Variants in PLPPR1 observed in about 807,000 individuals in gnomAD.
The protein encoded by PLPPR1 is phospholipid phosphatase-related protein type 1.
In PLPPR1, 10 loss-of-function variants were observed where a neutral mutation model predicts 33.1. That is an observed-to-expected ratio of 0.30 (90% CI 0.19 to 0.51). The LOEUF is 0.51. PLPPR1 is among the 20% of genes least tolerant of loss of function. The pLI, the probability that PLPPR1 is intolerant of heterozygous loss-of-function variation, is 0.97. For synonymous variants in PLPPR1, 151 were observed against 151.0 expected, an observed-to-expected ratio of 1.00 and a Z score of 0.00; for missense variants, 304 against 408.1, an observed-to-expected ratio of 0.74 and a Z score of 2.20.
chr9:101,203,735 A>ATATCTATCTATATATATAGATATGTTATC (rs1332419099), intron 2 of PLPPR1, among the ~76,000 whole-genome samples: 79 of 151,636 alleles, frequency 5.2e-4, no homozygotes, highest in Middle Eastern at 3.5e-3. Flanking sequence ...GATATGTTAT[A>ATATCTATCTATATATATAGATATGTTATC]TATCTATCTA....
At chr9:101,153,527 G>A (rs558491327) in intron 1 of PLPPR1, among the ~76,000 whole-genome samples, 1 of 152,220 alleles carries the variant, frequency 6.6e-6, no homozygotes, top group Non-Finnish European at 1.5e-5. Flanking sequence ...TTGGCTGTGG[G>A]TTTGTCATAA....
chr9:101,192,639 C>T (rs529032610), intron 2 of PLPPR1, among the ~76,000 whole-genome samples: 2 of 151,956 alleles, frequency 1.3e-5, no homozygotes, highest in African/African-American at 4.8e-5. Flanking sequence ...CAATATAAAA[C>T]AACAAATTTG....
chr9:101,198,810 G>A (rs1385243595), intron 2 of PLPPR1, among the ~76,000 whole-genome samples: 2 of 152,234 alleles, frequency 1.3e-5, no homozygotes, highest in Non-Finnish European at 2.9e-5. Flanking sequence ...CTGAGAATTT[G>A]AAGAGCTAAA....
intron 1 of PLPPR1, among the ~76,000 whole-genome samples, chr9:101,171,570 G>A (rs547449119): frequency 6.6e-6 from 1 of 152,162 alleles, no homozygotes; most frequent in Non-Finnish European, 1.5e-5. Flanking sequence ...TTGTGTCTGG[G>A]TCTTCACATT....
chr9:101,273,124 T>C (rs1489409950), intron 3 of PLPPR1, among the ~76,000 whole-genome samples: 4 of 152,228 alleles, frequency 2.6e-5, no homozygotes, highest in African/African-American at 4.8e-5. Context: ...AAAAATTGTA[T>C]GCAGTATTGT....
intron 1 of PLPPR1, among the ~76,000 whole-genome samples, chr9:101,040,483 G>A (rs1830063681): frequency 6.6e-6 from 1 of 152,122 alleles, no homozygotes; most frequent in African/African-American, 2.4e-5. Flanking sequence ...ATCTGATTGG[G>A]TGTGAGCTGT....
In PLPPR1 at chr9:101,110,505, C is replaced by T. The variant is rs374278786; in HGVS notation, c.-45-74945C>T. 2.0e-5 allele frequency among the ~76,000 whole-genome samples: 3 copies of T among 152,202 alleles called. No individual in the cohort carries two copies. The East Asian group carries it at 5.8e-4, about 29-fold the overall frequency. On this transcript the variant is annotated intron_variant, in intron 1 of 7. Coordinates refer to ENST00000374874, the MANE Select transcript of PLPPR1 (RefSeq NM_207299.2). ...AAATACACGTAGAAGAATGTTATAT[C>T]ATTGTTTTTAATAGCAAAAATTGAA...
intron 2 of PLPPR1, among the ~76,000 whole-genome samples, chr9:101,221,138 G>A (rs1353278049): frequency 6.6e-6 from 1 of 152,060 alleles, no homozygotes; most frequent in Non-Finnish European, 1.5e-5. Context: ...GCAGTATTAG[G>A]TTACATAAGT....
intron 2 of PLPPR1, among the ~76,000 whole-genome samples, chr9:101,189,942 G>A (rs1431345545): frequency 6.6e-6 from 1 of 152,030 alleles, no homozygotes; most frequent in Non-Finnish European, 1.5e-5. Flanking sequence ...GCTCATGGTG[G>A]ACTGTTTCCT....
At chr9:101,160,895 A>G (rs1425771018) in intron 1 of PLPPR1, among the ~76,000 whole-genome samples, 3 of 152,188 alleles carry the variant, frequency 2.0e-5, no homozygotes, top group African/African-American at 4.8e-5. Flanking sequence ...TAGTGTGACA[A>G]GTTGTCTATA....
intron 4 of PLPPR1, among the ~76,000 whole-genome samples, chr9:101,300,140 T>C (rs1828724918): frequency 6.6e-6 from 1 of 152,182 alleles, no homozygotes; most frequent in Non-Finnish European, 1.5e-5. Context: ...TCTATAATAA[T>C]TTTTAAAAAG....
intron 2 of PLPPR1, among the ~76,000 whole-genome samples, chr9:101,255,178 G>A (rs974401022): frequency 6.6e-6 from 1 of 152,136 alleles, no homozygotes; most frequent in Non-Finnish European, 1.5e-5. Flanking sequence ...GCTGGTAAAT[G>A]TTTAACTCCT....
At chr9:101,315,028 A>C (rs1463159243) in intron 6 of PLPPR1, among the ~76,000 whole-genome samples, 2 of 152,110 alleles carry the variant, frequency 1.3e-5, no homozygotes, top group Non-Finnish European at 2.9e-5. Flanking sequence ...TTTTGATACA[A>C]GCATACAATG....
intron 2 of PLPPR1, among the ~76,000 whole-genome samples, chr9:101,207,614 T>C (rs567794727): frequency 6.6e-6 from 1 of 152,244 alleles, no homozygotes; most frequent in Non-Finnish European, 1.5e-5. Flanking sequence ...TACGAGGCTG[T>C]ATGATACTGG....
intron 4 of PLPPR1, among the ~76,000 whole-genome samples, chr9:101,302,331 A>G (rs914884334): frequency 6.6e-6 from 1 of 152,228 alleles, no homozygotes; most frequent in Admixed American, 6.5e-5. Context: ...GTACACCTTT[A>G]TAAGGAAATG....
In PLPPR1 at chr9:101,137,550, T is replaced by C. The variant is rs184533321; in HGVS notation, c.-45-47900T>C. On this transcript the variant is annotated intron_variant, in intron 1 of 7. Transcript: ENST00000374874. ...GTGGTCCTGTGTTGGGGTGTACAGC[T>C]TCGTGAGCAGAGAGTAGGCTGCTTT... 4.7e-3 allele frequency among the ~76,000 whole-genome samples: 710 copies of C among 152,248 alleles called. 4 individuals are homozygous for C. Among genetic ancestry groups the C allele is most frequent in the South Asian group, 0.021 (102 of 4,824 alleles).
intron 2 of PLPPR1, among the ~76,000 whole-genome samples, chr9:101,237,679 CAT>C (rs1294525029): frequency 3.1e-5 from 4 of 130,090 alleles, no homozygotes; most frequent in Non-Finnish European, 6.5e-5. Flanking sequence ...CATATATATA[CAT>C]ATATATATAG....
intron 2 of PLPPR1, among the ~76,000 whole-genome samples, chr9:101,254,380 G>A (rs1827762665): frequency 6.6e-6 from 1 of 152,080 alleles, no homozygotes. Context: ...GCTCCTATGA[G>A]AATCTCATGT....
chr9:101,274,944 T>G (rs988350160), intron 3 of PLPPR1, among the ~76,000 whole-genome samples: 7 of 152,174 alleles, frequency 4.6e-5, no homozygotes, highest in African/African-American at 1.7e-4. Context: ...TCAGATTCCA[T>G]GAAAACTGAA....
Sources: gnomAD v4.1 joint callset for allele counts (sites outside exome capture counted in the v4.1 genomes callset) on GRCh38, gnomAD v4.1.1 for gene constraint, MANE v1.5 for transcripts, NCBI Gene and HGNC (gene_info 2026-07-23, HGNC 2026-07-21) for gene names.